The following LIPI variants were observed in gnomAD, a reference collection of about 807,000 sequenced individuals.
LIPI encodes lipase member I.
LIPI carries 59 observed loss-of-function variants against 50.6 expected under a neutral mutation model. The ratio of observed to expected loss-of-function variants is 1.16; its 90% confidence interval spans 0.94 to 1.45. The LOEUF (loss-of-function observed/expected upper bound fraction) is 1.45. LIPI is among the 40% of genes most tolerant of loss of function. The pLI is 0.00. For synonymous variants in LIPI, 203 were observed against 178.2 expected, an observed-to-expected ratio of 1.14 and a Z score of -1.11; for missense variants, 586 against 536.3, an observed-to-expected ratio of 1.09 and a Z score of -0.92.
At chr21:14,178,509 T>C (rs1568870206) in intron 4 of LIPI, among the ~76,000 whole-genome samples, 1 of 152,162 alleles carries the variant, frequency 6.6e-6, no homozygotes, top group Non-Finnish European at 1.5e-5. Flanking sequence ...ATGTCAATTA[T>C]TTTACTTTTT....
At chr21:14,161,132 A>G (rs1052074371) in intron 7 of LIPI, among the ~76,000 whole-genome samples, 1 of 151,244 alleles carries the variant, frequency 6.6e-6, no homozygotes, top group Non-Finnish European at 1.5e-5. Flanking sequence ...TTTATGACAG[A>G]TAAATGAAGA....
chr21:14,204,942 T>C (rs2020183330), intron 1 of LIPI, among the ~76,000 whole-genome samples: 1 of 151,610 alleles, frequency 6.6e-6, no homozygotes. Context: ...AAAGAAACAC[T>C]ATAAACTAGA....
In LIPI at chr21:14,144,791, T is replaced by C. The variant is rs752083189; in HGVS notation, c.1127A>G (p.Lys376Arg). ...IEEPRLYEKN[K>R]PFYKLQEVKI... ...GACTTCTTGAAGTTTATAAAATGGTTTGTTCTTTCTAGAGAGAAAATTTGA... is the reference window on the plus strand; with the variant it reads ...GACTTCTTGAAGTTTATAAAATGGTCTGTTCTTTCTAGAGAGAAAATTTGA... Residue 376 changes from lysine (K) to arginine (R), a missense_variant, in exon 9 of 10, where the codon AAA (lysine) becomes AGA (arginine). Physicochemically the swap from Lys to Arg is conservative, Grantham distance 26. Coordinates refer to ENST00000681601, the MANE Select transcript of LIPI (RefSeq NM_001302998.2). 1.3e-6 allele frequency: 2 copies of C among 1,567,230 alleles called. No homozygotes were observed. The highest frequency in any genetic ancestry group is 1.8e-6 in the Non-Finnish European group (2 of 1,139,084).
At chr21:14,179,158 G>A (rs184676002) in intron 4 of LIPI, among the ~76,000 whole-genome samples, 7 of 152,044 alleles carry the variant, frequency 4.6e-5, no homozygotes, top group Non-Finnish European at 8.8e-5. Flanking sequence ...AAAAATGTAT[G>A]CCCTAATTAT....
chr21:14,152,044 C>T (rs922342555), intron 8 of LIPI, among the ~76,000 whole-genome samples: 3 of 151,718 alleles, frequency 2.0e-5, no homozygotes, highest in African/African-American at 7.3e-5. Flanking sequence ...GAGAAAGACA[C>T]AAAGTCGTCT....
At chr21:14,183,820 G>A (rs1432152801) in intron 3 of LIPI, among the ~76,000 whole-genome samples, 2 of 152,128 alleles carry the variant, frequency 1.3e-5, no homozygotes, top group African/African-American at 4.8e-5. Flanking sequence ...AAAAAGTCAG[G>A]AAACAATAGG....
At chr21:14,157,590 T>C (rs1436593224) in intron 7 of LIPI, among the ~76,000 whole-genome samples, 1 of 151,862 alleles carries the variant, frequency 6.6e-6, no homozygotes, top group Non-Finnish European at 1.5e-5. Context: ...GAAAAAGTTT[T>C]GAGGCCTGGA....
Position 14,108,929 on chromosome 21 carries a change from T to G in LIPI, c.*64A>C, listed in dbSNP as rs970768721. On this transcript the variant is annotated 3_prime_UTR_variant, in exon 10 of 10. Coordinates refer to ENST00000681601, the MANE Select transcript of LIPI (RefSeq NM_001302998.2). ...TGAACAGTGCATTATAAAAGACTGATTGCATTGTTTCATTTACAAGTCCAT... is the reference window on the plus strand; with the variant it reads ...TGAACAGTGCATTATAAAAGACTGAGTGCATTGTTTCATTTACAAGTCCAT... The G allele has an allele frequency of 6.3e-7, 1 of 1,593,832 alleles. No homozygotes were observed. Among genetic ancestry groups the G allele is most frequent in the African/African-American group, 1.3e-5 (1 of 74,498 alleles).
chr21:14,204,486 A>T (rs2020169973), intron 1 of LIPI, among the ~76,000 whole-genome samples: 1 of 152,036 alleles, frequency 6.6e-6, no homozygotes, highest in African/African-American at 2.4e-5. Context: ...GTGCAGTGCA[A>T]TTCTAAAATA....
intron 4 of LIPI, among the ~76,000 whole-genome samples, chr21:14,174,051 T>C (rs1015463274): frequency 1.3e-5 from 2 of 152,210 alleles, no homozygotes; most frequent in South Asian, 4.1e-4. Flanking sequence ...AATTTCCTCA[T>C]ATATGAACTC....
intron 4 of LIPI, among the ~76,000 whole-genome samples, chr21:14,179,298 T>C (rs769137261): frequency 6.6e-5 from 10 of 152,020 alleles, no homozygotes; most frequent in Non-Finnish European, 1.3e-4. Flanking sequence ...ACCAGGTATG[T>C]GCTGAGTCCA....
Position 14,165,264 on chromosome 21 carries a change from A to T in LIPI, c.860T>A (p.Val287Glu). The change falls in exon 6 of 10, where the codon GTG becomes GAG. Residue 287 changes from valine to glutamate, a missense_variant. Coordinates refer to ENST00000681601, the MANE Select transcript of LIPI (RefSeq NM_001302998.2). ...TTTTTCCTTAAAACAGTCACAGTCCACACATAAGCTAGTCTTGTAATCTTT... is the reference window on the plus strand; with the variant it reads ...TTTTTCCTTAAAACAGTCACAGTCCTCACATAAGCTAGTCTTGTAATCTTT... ...SYKDYKTSLC[V>E]DCDCFKEKSC... 6.2e-7 allele frequency: 1 copy of T among 1,613,038 alleles called. No homozygotes were observed. Among genetic ancestry groups the T allele is most frequent in the Non-Finnish European group, 8.5e-7 (1 of 1,179,200 alleles).
At chr21:14,122,184 T>C (rs1302755108) in intron 9 of LIPI, among the ~76,000 whole-genome samples, 3 of 152,182 alleles carry the variant, frequency 2.0e-5, no homozygotes, top group South Asian at 2.1e-4. Context: ...CATCATTATA[T>C]GATAGAAGCT....
At chr21:14,184,147 TA>T (rs2019371905) in intron 3 of LIPI, among the ~76,000 whole-genome samples, 2 of 151,978 alleles carry the variant, frequency 1.3e-5, no homozygotes, top group African/African-American at 2.4e-5. Context: ...TATGCAGCCA[TA>T]AAAAAGGATG....
rs1024333401 is a variant in LIPI, at chr21:14,118,564, G to A, written c.1296-9484C>T. On this transcript the variant is annotated intron_variant, in intron 9 of 9. Transcript: ENST00000681601. ...GTGGAGATAGGACCTTAAGCCTAAGGCAAAGAAAGGTTATGGTATTAACAC... is the reference window on the plus strand; with the variant it reads ...GTGGAGATAGGACCTTAAGCCTAAGACAAAGAAAGGTTATGGTATTAACAC... Among the ~76,000 whole-genome samples, 19 of 152,224 alleles carry A rather than the reference G, an allele frequency of 1.2e-4. 2 individuals carry two copies. Among genetic ancestry groups the A allele is most frequent in the South Asian group, 1.2e-3 (6 of 4,808 alleles).
chr21:14,192,743 T>C (rs1256075506), intron 1 of LIPI, among the ~76,000 whole-genome samples: 1 of 152,158 alleles, frequency 6.6e-6, no homozygotes, highest in Non-Finnish European at 1.5e-5. Context: ...TAGAATTCCA[T>C]ATCCAACAAA....
intron 1 of LIPI, among the ~76,000 whole-genome samples, chr21:14,190,334 C>T (rs381199): frequency 0.18 from 26,780 of 151,840 alleles, 2,820 homozygotes; most frequent in South Asian, 0.29. Context: ...AGCAAATAAT[C>T]CCCATAGTGG....
At chr21:14,182,840 G>T (rs1410003896) in intron 3 of LIPI, among the ~76,000 whole-genome samples, 2 of 152,096 alleles carry the variant, frequency 1.3e-5, no homozygotes, top group African/African-American at 4.8e-5. Context: ...AATAAAAGAG[G>T]ATACAAACAA....
chr21:14,125,623 T>C (rs914628342), intron 9 of LIPI, among the ~76,000 whole-genome samples: 2 of 152,202 alleles, frequency 1.3e-5, no homozygotes, highest in African/African-American at 4.8e-5. Flanking sequence ...AGTGGCGCGA[T>C]CTCTGCTCAC....
Sources: allele counts gnomAD v4.1 joint callset (sites outside exome capture counted in the v4.1 genomes callset), GRCh38; gene constraint gnomAD v4.1.1; transcripts MANE v1.5; gene names NCBI Gene and HGNC (gene_info 2026-07-23, HGNC 2026-07-21).